Variants in LRRIQ1 observed in about 807,000 individuals in gnomAD.
LRRIQ1 encodes leucine rich repeats and IQ motif containing 1.
LRRIQ1 carries 210 observed loss-of-function variants against 211.9 expected under a neutral mutation model. That is an observed-to-expected ratio of 0.99 (90% CI 0.89 to 1.11). The LOEUF is 1.11. LRRIQ1 is among the 50% of genes most tolerant of loss of function. The pLI, the probability that LRRIQ1 is intolerant of heterozygous loss-of-function variation, is 0.00. For missense variants in LRRIQ1, 2,136 were observed against 1,939.5 expected (o/e 1.10, Z -1.90); for synonymous variants, 699 against 650.1 (o/e 1.08, Z -1.14).
At chr12:85,118,766 A>T (rs1445889101) in intron 15 of LRRIQ1, among the ~76,000 whole-genome samples, 1 of 152,144 alleles carries the variant, frequency 6.6e-6, no homozygotes, top group Non-Finnish European at 1.5e-5. Flanking sequence ...ATCTGCCTGA[A>T]GTTTTATTTC....
chr12:85,175,688 T>G (rs893491252), intron 24 of LRRIQ1, among the ~76,000 whole-genome samples: 1 of 152,104 alleles, frequency 6.6e-6, no homozygotes, highest in African/African-American at 2.4e-5. Flanking sequence ...TTGTATAAGG[T>G]GTAAGGAAGG....
At chr12:85,135,719 A>ATTATTATTGCTGCTTAAAT (rs1305013395) in intron 18 of LRRIQ1, among the ~76,000 whole-genome samples, 2 of 151,956 alleles carry the variant, frequency 1.3e-5, no homozygotes, top group Non-Finnish European at 2.9e-5. Context: ...TGCAGTTAGT[A>ATTATTATTGCTGCTTAAAT]GTCTCATCAA....
chr12:85,089,997 A>G (rs1163674654), intron 11 of LRRIQ1, among the ~76,000 whole-genome samples: 1 of 152,206 alleles, frequency 6.6e-6, no homozygotes, highest in African/African-American at 2.4e-5. Context: ...AGCGAGGCCA[A>G]GGGCCCCACT....
At chr12:85,139,698 G>A (rs1889382536) in intron 19 of LRRIQ1, among the ~76,000 whole-genome samples, 2 of 151,500 alleles carry the variant, frequency 1.3e-5, no homozygotes, top group East Asian at 1.9e-4. Context: ...TGAAGGTGTT[G>A]TAGAGACAGA....
At chr12:85,179,931 C>T (rs944127676) in intron 24 of LRRIQ1, among the ~76,000 whole-genome samples, 3 of 151,894 alleles carry the variant, frequency 2.0e-5, no homozygotes, top group Admixed American at 6.6e-5. Context: ...TCCTCCCATC[C>T]TCAAAACATA....
intron 11 of LRRIQ1, among the ~76,000 whole-genome samples, chr12:85,085,414 A>G (rs1884718573): frequency 6.6e-6 from 1 of 152,202 alleles, no homozygotes; most frequent in South Asian, 2.1e-4. Context: ...CTTGGGGATT[A>G]CAATTCAAGA....
At chr12:85,111,518 A>G (rs1368312068) in intron 15 of LRRIQ1, among the ~76,000 whole-genome samples, 1 of 152,152 alleles carries the variant, frequency 6.6e-6, no homozygotes, top group Admixed American at 6.6e-5. Flanking sequence ...AACATCAGCC[A>G]ACACTAACAG....
chr12:85,079,149 T>C (rs1883995667), intron 11 of LRRIQ1, among the ~76,000 whole-genome samples: 1 of 151,986 alleles, frequency 6.6e-6, no homozygotes, highest in African/African-American at 2.4e-5. Context: ...ATGAAAGCAG[T>C]ACTGACTTTA....
intron 8 of LRRIQ1, among the ~76,000 whole-genome samples, chr12:85,059,532 G>C (rs1317539975): frequency 6.6e-6 from 1 of 151,864 alleles, no homozygotes; most frequent in Non-Finnish European, 1.5e-5. Flanking sequence ...GCTAGCTTGG[G>C]AAAAGATCAA....
intron 24 of LRRIQ1, among the ~76,000 whole-genome samples, chr12:85,223,470 A>C (rs1894498593): frequency 6.6e-6 from 1 of 152,196 alleles, no homozygotes; most frequent in African/African-American, 2.4e-5. Context: ...TAGATAAGCC[A>C]GTTTCAGGCC....
chr12:85,102,544 A>G (rs1397592345), intron 13 of LRRIQ1, among the ~76,000 whole-genome samples: 1 of 151,738 alleles, frequency 6.6e-6, no homozygotes, highest in Non-Finnish European at 1.5e-5. Context: ...CTACTTTTTC[A>G]TCAGTAGTGT....
At chr12:85,137,125 A>C (rs1458981096) in intron 18 of LRRIQ1, among the ~76,000 whole-genome samples, 1 of 151,438 alleles carries the variant, frequency 6.6e-6, no homozygotes, top group African/African-American at 2.4e-5. Flanking sequence ...AATATGTGTT[A>C]ATGTAATGTA....
chr12:85,111,996 TAATA>T (rs996830205), intron 15 of LRRIQ1, among the ~76,000 whole-genome samples: 37 of 151,708 alleles, frequency 2.4e-4, no homozygotes, highest in Non-Finnish European at 1.6e-4. Flanking sequence ...TTCATTTTGT[TAATA>T]AATAAAAATT....
chr12:85,190,961 G>T (rs1892482548), intron 24 of LRRIQ1, among the ~76,000 whole-genome samples: 2 of 151,966 alleles, frequency 1.3e-5, no homozygotes, highest in African/African-American at 4.8e-5. Flanking sequence ...TTCTGGCAGT[G>T]TGGTGAGCTA....
chr12:85,265,526 T>A (rs772575695), downstream of LRRIQ1, among the ~76,000 whole-genome samples: 44 of 152,120 alleles, frequency 2.9e-4, no homozygotes, highest in Non-Finnish European at 1.6e-4. Context: ...ATGGAGTTGT[T>A]CTGCTCTAAT....
intron 24 of LRRIQ1, among the ~76,000 whole-genome samples, chr12:85,204,012 G>GA (rs1281659070): frequency 6.6e-6 from 1 of 152,068 alleles, no homozygotes; most frequent in African/African-American, 2.4e-5. Flanking sequence ...GGCCTAGGAG[G>GA]AAAAAATGGT....
At chr12:85,060,156 G>A (rs1565797244) in intron 8 of LRRIQ1, among the ~76,000 whole-genome samples, 1 of 151,726 alleles carries the variant, frequency 6.6e-6, no homozygotes, top group Non-Finnish European at 1.5e-5. Context: ...AAAGAACATG[G>A]CCCAGGGCTT....
chr12:85,160,714 G>A lies in LRRIQ1; in HGVS notation c.4822G>A (p.Gly1608Ser), dbSNP rs781744287. 14 of 1,551,524 alleles carry A rather than the reference G, an allele frequency of 9.0e-6. No homozygotes were observed. Among genetic ancestry groups the A allele is most frequent in the African/African-American group, 1.4e-5 (1 of 73,498 alleles). The change falls in exon 24 of 27, where the codon GGT becomes AGT. Residue 1608 changes from glycine (G) to serine (S), a missense_variant and splice_region_variant. Gly to Ser is a moderately conservative substitution (Grantham distance 56, BLOSUM62 0). Transcript: ENST00000393217. The stretch of plus-strand genomic sequence containing the variant: ...GCCCAGAAGAGATGGTTACTTTGAA[G>A]GTATGGCTTAATAACAGATACATAG... Reference protein sequence around the residue: ...VQPRRDGYFEGIEEDPIHKDT... With the variant: ...VQPRRDGYFESIEEDPIHKDT...
intron 26 of LRRIQ1, among the ~76,000 whole-genome samples, chr12:85,242,688 A>G (rs763381986): frequency 6.6e-6 from 1 of 151,920 alleles, no homozygotes; most frequent in Non-Finnish European, 1.5e-5. Context: ...TAAGATCTAA[A>G]TATTGTTGCA....
Sources: allele counts gnomAD v4.1 joint callset (sites outside exome capture counted in the v4.1 genomes callset), GRCh38; gene constraint gnomAD v4.1.1; transcripts MANE v1.5; gene names NCBI Gene and HGNC (gene_info 2026-07-23, HGNC 2026-07-21).